The following DGKB variants were observed in gnomAD, a reference collection of about 807,000 sequenced individuals.
DGKB encodes the protein diacylglycerol kinase beta.
A neutral mutation model predicts 114.3 loss-of-function variants in DGKB; 67 were observed. That is an observed-to-expected ratio of 0.59 (90% CI 0.48 to 0.72). DGKB has a LOEUF of 0.72. Ranked by LOEUF, DGKB falls within the 30% of genes least tolerant of loss-of-function variation. The probability of loss-of-function intolerance (pLI) is 0.00; values close to 1 mark genes in which losing one functional copy is unlikely to be tolerated. For synonymous variants in DGKB, 398 were observed against 323.1 expected (o/e 1.23, Z -2.49); for missense variants, 907 against 975.2 (o/e 0.93, Z 0.93).
At chr7:14,599,097 G>A (rs549532124) in intron 17 of DGKB, among the ~76,000 whole-genome samples, 1 of 152,324 alleles carries the variant, frequency 6.6e-6, no homozygotes, top group Non-Finnish European at 1.5e-5. Context: ...TTCCTTGGAC[G>A]TGTGTCTTAC....
intron 20 of DGKB, among the ~76,000 whole-genome samples, chr7:14,543,900 G>C (rs1303071225): frequency 6.6e-6 from 1 of 152,110 alleles, no homozygotes; most frequent in Non-Finnish European, 1.5e-5. Context: ...ACAAGGGACA[G>C]GTAGAGTATT....
intron 21 of DGKB, among the ~76,000 whole-genome samples, chr7:14,387,276 G>C (rs1365811775): frequency 6.6e-6 from 1 of 151,832 alleles, no homozygotes; most frequent in Non-Finnish European, 1.5e-5. Flanking sequence ...AGCTGGGCGA[G>C]GTAGCATGTG....
At chr7:14,207,170 T>G (rs1786964104) in intron 23 of DGKB, among the ~76,000 whole-genome samples, 1 of 152,066 alleles carries the variant, frequency 6.6e-6, no homozygotes, top group Admixed American at 6.6e-5. Context: ...TCTGCCTCCT[T>G]TGAGGTCAAC....
intron 2 of DGKB, chr7:14,815,186 T>C (rs1190497182): frequency 6.6e-6 from 1 of 152,212 alleles, no homozygotes; most frequent in African/African-American, 2.4e-5. Context: ...TAACTGTGAG[T>C]GATGGCTGTC....
intron 1 of DGKB, among the ~76,000 whole-genome samples, chr7:14,852,808 A>G (rs1849589461): frequency 6.6e-6 from 1 of 152,110 alleles, no homozygotes; most frequent in African/African-American, 2.4e-5. Flanking sequence ...ATTATTGCAA[A>G]TTGATAAATT....
chr7:14,250,075 C>T (rs903049233), intron 23 of DGKB, among the ~76,000 whole-genome samples: 1 of 151,634 alleles, frequency 6.6e-6, no homozygotes, highest in Non-Finnish European at 1.5e-5. Flanking sequence ...CTGCCTCAGC[C>T]TCCCAAGTAG....
intron 23 of DGKB, among the ~76,000 whole-genome samples, chr7:14,202,934 C>T (rs2128291832): frequency 6.6e-6 from 1 of 151,856 alleles, no homozygotes; most frequent in African/African-American, 2.4e-5. Context: ...GCTGAAGAGG[C>T]ACATTATGAT....
intron 23 of DGKB, among the ~76,000 whole-genome samples, chr7:14,212,486 T>C (rs1788273433): frequency 1.3e-5 from 2 of 152,246 alleles, no homozygotes; most frequent in African/African-American, 4.8e-5. Context: ...CCTAGCCTTC[T>C]TTGGCCTCCC....
At chr7:14,263,017 A>C (rs1185548641) in intron 23 of DGKB, among the ~76,000 whole-genome samples, 3 of 152,024 alleles carry the variant, frequency 2.0e-5, no homozygotes, top group Non-Finnish European at 4.4e-5. Context: ...TAACATCCTG[A>C]AGGGCTGCAC....
At chr7:14,667,649 T>G (rs62448674) in intron 13 of DGKB, among the ~76,000 whole-genome samples, 3,308 of 152,150 alleles carry the variant, frequency 0.022, 54 homozygotes, top group South Asian at 0.04. Context: ...CTACAGGTCA[T>G]GCAGTGTGAA....
At chr7:14,642,619 C>T (rs1385593680) in intron 13 of DGKB, among the ~76,000 whole-genome samples, 1 of 152,004 alleles carries the variant, frequency 6.6e-6, no homozygotes, top group African/African-American at 2.4e-5. Context: ...TACAATCAAG[C>T]CTATAATATT....
intron 23 of DGKB, among the ~76,000 whole-genome samples, chr7:14,280,677 C>T (rs1179995140): frequency 6.6e-6 from 1 of 151,208 alleles, no homozygotes; most frequent in Non-Finnish European, 1.5e-5. Flanking sequence ...AGAAACCCTA[C>T]AAGCCAGAAG....
intron 21 of DGKB, among the ~76,000 whole-genome samples, chr7:14,473,138 G>A (rs182810454): frequency 1.3e-5 from 2 of 152,248 alleles, no homozygotes; most frequent in East Asian, 3.9e-4. Flanking sequence ...CTTTGCAGTA[G>A]GCCCTCCCAT....
chr7:14,800,394 C>T (rs1026056248), intron 2 of DGKB, among the ~76,000 whole-genome samples: 4 of 152,162 alleles, frequency 2.6e-5, no homozygotes, highest in African/African-American at 9.7e-5. Context: ...TGGATCCACC[C>T]TTAATCTGGT....
intron 23 of DGKB, among the ~76,000 whole-genome samples, chr7:14,228,372 T>C (rs1457880633): frequency 2.6e-5 from 4 of 152,034 alleles, no homozygotes; most frequent in African/African-American, 2.4e-5. Context: ...AATTATTTAT[T>C]GTTATTTTAG....
intron 23 of DGKB, among the ~76,000 whole-genome samples, chr7:14,317,403 A>T (rs1199175763): frequency 2.1e-5 from 3 of 145,476 alleles, no homozygotes; most frequent in Admixed American, 1.4e-4. Context: ...CTCAGCCCAA[A>T]ATCTCCTTAA....
chr7:14,702,145 T>A (rs190593915), intron 6 of DGKB, among the ~76,000 whole-genome samples: 6 of 152,268 alleles, frequency 3.9e-5, no homozygotes, highest in Non-Finnish European at 7.4e-5. Flanking sequence ...TATTCACAAT[T>A]ATAAGAGCTT....
chr7:14,521,846 A>G (rs754892042), intron 20 of DGKB, among the ~76,000 whole-genome samples: 1 of 152,134 alleles, frequency 6.6e-6, no homozygotes, highest in Non-Finnish European at 1.5e-5. Context: ...TCTGTTGAAT[A>G]TTGAACTTTT....
intron 21 of DGKB, among the ~76,000 whole-genome samples, chr7:14,404,177 T>C (rs1333563662): frequency 2.0e-5 from 3 of 150,716 alleles, no homozygotes; most frequent in African/African-American, 7.3e-5. Flanking sequence ...AGATGGATAC[T>C]AGATGAAAAG....
Sources: allele counts gnomAD v4.1 joint callset (sites outside exome capture counted in the v4.1 genomes callset), GRCh38; gene constraint gnomAD v4.1.1; transcripts MANE v1.5; gene names NCBI Gene and HGNC (gene_info 2026-07-23, HGNC 2026-07-21).